The following ERC2 variants were observed in gnomAD, a reference collection of about 807,000 sequenced individuals.
ERC2 encodes ERC protein 2.
ERC2 carries 42 observed loss-of-function variants against 114.8 expected under a neutral mutation model. The ratio of observed to expected loss-of-function variants is 0.37; its 90% CI spans 0.29 to 0.47. ERC2 has a LOEUF of 0.47. Ranked by LOEUF, ERC2 falls within the 20% of genes least tolerant of loss-of-function variation. The probability of loss-of-function intolerance (pLI) is 0.99; values close to 1 mark genes in which losing one functional copy is unlikely to be tolerated. For synonymous variants in ERC2, 454 were observed against 425.5 expected, an observed-to-expected ratio of 1.07 and a Z score of -0.82; for missense variants, 939 against 1,150.7, an observed-to-expected ratio of 0.82 and a Z score of 2.66.
chr3:55,754,106 G>A (rs1167761241), intron 14 of ERC2, among the ~76,000 whole-genome samples: 1 of 152,032 alleles, frequency 6.6e-6, no homozygotes, highest in Non-Finnish European at 1.5e-5. Flanking sequence ...TACTATGAGT[G>A]TGGTTCATTA....
intron 17 of ERC2, among the ~76,000 whole-genome samples, chr3:55,574,560 T>C (rs80350397): frequency 0.022 from 3,292 of 152,234 alleles, 114 homozygotes; most frequent in African/African-American, 0.075. Context: ...GTCTGTTACC[T>C]ACTAGTTGTG....
At chr3:55,528,141 T>TA (rs1194801418) in intron 17 of ERC2, among the ~76,000 whole-genome samples, 6 of 152,134 alleles carry the variant, frequency 3.9e-5, no homozygotes, top group Non-Finnish European at 8.8e-5. Context: ...TGGCCCAAGA[T>TA]AAAAATGCAT....
At chr3:56,064,048 A>G in intron 7 of ERC2, among the ~76,000 whole-genome samples, 1 of 152,222 alleles carries the variant, frequency 6.6e-6, no homozygotes, top group Non-Finnish European at 1.5e-5. Flanking sequence ...TTAAAGAACT[A>G]TGCCGTGAAC....
intron 3 of ERC2, among the ~76,000 whole-genome samples, chr3:56,268,373 G>A (rs1470802): frequency 0.68 from 103,115 of 152,048 alleles, 36,190 homozygotes; most frequent in Non-Finnish European, 0.76. Flanking sequence ...TTCTTAGAAC[G>A]TATCCCCATC....
At chr3:56,301,782 T>C (rs2055895958) in intron 2 of ERC2, among the ~76,000 whole-genome samples, 1 of 152,126 alleles carries the variant, frequency 6.6e-6, no homozygotes, top group Non-Finnish European at 1.5e-5. Flanking sequence ...TAAAATATAA[T>C]AAGAGAAATA....
intron 3 of ERC2, among the ~76,000 whole-genome samples, chr3:56,271,935 T>C (rs866175723): frequency 1.2e-4 from 18 of 152,238 alleles, no homozygotes; most frequent in Admixed American, 2.6e-4. Flanking sequence ...ATGTTCTTTT[T>C]TATGGCTGTG....
intron 17 of ERC2, among the ~76,000 whole-genome samples, chr3:55,628,845 T>C (rs533824353): frequency 2.0e-5 from 3 of 152,362 alleles, no homozygotes; most frequent in South Asian, 4.1e-4. Context: ...AAGTTGTAGA[T>C]TTGAATTCTC....
chr3:56,424,358 C>T (rs958078465), intron 2 of ERC2, among the ~76,000 whole-genome samples: 1 of 152,064 alleles, frequency 6.6e-6, no homozygotes, highest in African/African-American at 2.4e-5. Flanking sequence ...AGATGGAAAT[C>T]ATTTAGGTCT....
At chr3:56,404,612 T>G (rs1181233725) in intron 2 of ERC2, among the ~76,000 whole-genome samples, 1 of 152,106 alleles carries the variant, frequency 6.6e-6, no homozygotes, top group South Asian at 2.1e-4. Context: ...CTTGAGGGAA[T>G]GAATACCCCA....
chr3:55,882,383 A>G (rs935962815), intron 14 of ERC2, among the ~76,000 whole-genome samples: 1 of 152,200 alleles, frequency 6.6e-6, no homozygotes, highest in African/African-American at 2.4e-5. Flanking sequence ...TTTATAAATT[A>G]CCTAGCTTCA....
chr3:56,447,608 A>C (rs1329532093), intron 1 of ERC2, among the ~76,000 whole-genome samples: 4 of 152,068 alleles, frequency 2.6e-5, no homozygotes, highest in South Asian at 4.1e-4. Flanking sequence ...TATCTGTTAC[A>C]ATATTTATAA....
intron 14 of ERC2, among the ~76,000 whole-genome samples, chr3:55,798,386 C>T (rs1271737354): frequency 6.6e-6 from 1 of 151,998 alleles, no homozygotes; most frequent in Admixed American, 6.5e-5. Flanking sequence ...ATCACGAGGT[C>T]AGGAGATCGA....
intron 17 of ERC2, among the ~76,000 whole-genome samples, chr3:55,560,293 C>A (rs2055917343): frequency 6.6e-6 from 1 of 152,156 alleles, no homozygotes; most frequent in African/African-American, 2.4e-5. Flanking sequence ...CTGAACTTTG[C>A]CCCTAGTATA....
chr3:55,559,101 C>T (rs1375254402), intron 17 of ERC2, among the ~76,000 whole-genome samples: 1 of 152,248 alleles, frequency 6.6e-6, no homozygotes, highest in African/African-American at 2.4e-5. Flanking sequence ...TTCCCTGGAG[C>T]AGGGCATGGC....
chr3:55,720,606 T>C (rs1201783877), intron 15 of ERC2, among the ~76,000 whole-genome samples: 4 of 151,958 alleles, frequency 2.6e-5, no homozygotes, highest in Non-Finnish European at 5.9e-5. Context: ...TTGAAGACAA[T>C]GTTTGCTCAT....
chr3:56,268,532 C>T (rs983229724), intron 3 of ERC2, among the ~76,000 whole-genome samples: 3 of 152,136 alleles, frequency 2.0e-5, no homozygotes, highest in Non-Finnish European at 4.4e-5. Flanking sequence ...CTAGCCCCTA[C>T]ACACCTTCAG....
intron 14 of ERC2, among the ~76,000 whole-genome samples, chr3:55,750,989 A>G (rs2066666435): frequency 6.6e-6 from 1 of 152,242 alleles, no homozygotes; most frequent in South Asian, 2.1e-4. Flanking sequence ...AGTCTTATTT[A>G]ATAGCTTAAT....
At chr3:55,793,347 G>C (rs1245837281) in intron 14 of ERC2, among the ~76,000 whole-genome samples, 2 of 152,202 alleles carry the variant, frequency 1.3e-5, no homozygotes, top group Admixed American at 6.5e-5. Context: ...TGAATGTGTT[G>C]AGGTTGATGG....
rs149622031 is a variant in ERC2 at position 56,064,435 on chromosome 3, C to T, written c.1641+16382G>A. On this transcript the variant is annotated intron_variant, in intron 7 of 17. Transcript: ENST00000288221. ...ATCATATGTGACCTTAAGAATTTAACTTCTTATTTTAATAACTAAAGAAAG... is the reference window on the plus strand; with the variant it reads ...ATCATATGTGACCTTAAGAATTTAATTTCTTATTTTAATAACTAAAGAAAG... 4.0e-3 allele frequency among the ~76,000 whole-genome samples: 604 copies of T among 152,212 alleles called. 4 individuals carry two copies. The highest frequency in any genetic ancestry group is 0.014 in the African/African-American group (573 of 41,502).
Sources: gnomAD v4.1 joint callset for allele counts (sites outside exome capture counted in the v4.1 genomes callset) on GRCh38, gnomAD v4.1.1 for gene constraint, MANE v1.5 for transcripts, NCBI Gene and HGNC (gene_info 2026-07-23, HGNC 2026-07-21) for gene names.